LRRC37A2: variants seen among roughly 807,000 people sequenced by gnomAD.
LRRC37A2 encodes leucine-rich repeat-containing protein 37A2.
Under a neutral mutation model 68.8 loss-of-function variants are expected in LRRC37A2, and 9 were observed. The observed-to-expected ratio is 0.13, with a 90% CI of 0.08 to 0.23. The LOEUF (loss-of-function observed/expected upper bound fraction) is 0.23, where lower values mean the gene tolerates loss of function less well. Among genes scored for constraint, LRRC37A2 ranks in the 10% least tolerant of loss-of-function variants. The pLI, the probability that LRRC37A2 is intolerant of heterozygous loss-of-function variation, is 1.00. For synonymous variants in LRRC37A2, 63 were observed against 367.6 expected, an observed-to-expected ratio of 0.17 and a Z score of 9.48; for missense variants, 168 against 950.4, an observed-to-expected ratio of 0.18 and a Z score of 10.82.
the LRRC37A2 span, chr17:46,938,631 C>T: frequency 6.2e-7 from 1 of 1,614,102 alleles, no homozygotes; most frequent in Non-Finnish European, 8.5e-7. Flanking sequence ...ACATTGCCAA[C>T]ATGCTGGGCT....
At chr17:46,755,652 T>C in the LRRC37A2 span, 2 of 834,892 alleles carry the variant, frequency 2.4e-6, no homozygotes, top group South Asian at 1.8e-5. Context: ...CCATTTTCTT[T>C]TGTGAAGTGC....
the LRRC37A2 span, among the ~76,000 whole-genome samples, chr17:46,747,477 G>T: frequency 1.3e-5 from 2 of 151,922 alleles, no homozygotes; most frequent in Non-Finnish European, 2.9e-5. Context: ...ATGAGGTTTC[G>T]CCATGTTACC....
At chr17:46,707,365 A>G in the LRRC37A2 span, among the ~76,000 whole-genome samples, 3 of 151,902 alleles carry the variant, frequency 2.0e-5, no homozygotes, top group Non-Finnish European at 4.4e-5. Context: ...TTTTTTCTCA[A>G]TTTTGTATTG....
the LRRC37A2 span, among the ~76,000 whole-genome samples, chr17:46,868,234 C>G: frequency 1.3e-5 from 2 of 152,154 alleles, no homozygotes; most frequent in Non-Finnish European, 2.9e-5. Context: ...AGTTCAGAAC[C>G]CTGGTTACTT....
chr17:46,789,207 C>T, the LRRC37A2 span, among the ~76,000 whole-genome samples: 4 of 152,002 alleles, frequency 2.6e-5, no homozygotes, highest in African/African-American at 9.7e-5. Flanking sequence ...GCCCAGAGGC[C>T]ACCCTCCCTG....
At chr17:46,794,465 C>T in the LRRC37A2 span, among the ~76,000 whole-genome samples, 1 of 152,164 alleles carries the variant, frequency 6.6e-6, no homozygotes. Context: ...TTGCACAGGG[C>T]TCAGAGCTAA....
chr17:46,836,251 G>A, the LRRC37A2 span, among the ~76,000 whole-genome samples: 2 of 152,248 alleles, frequency 1.3e-5, no homozygotes, highest in African/African-American at 4.8e-5. Flanking sequence ...TGCGGAGGAA[G>A]TGATATTGGA....
At chr17:46,747,509 G>T in the LRRC37A2 span, among the ~76,000 whole-genome samples, 1 of 151,946 alleles carries the variant, frequency 6.6e-6, no homozygotes, top group Non-Finnish European at 1.5e-5. Context: ...CAAACTCCTG[G>T]GCTCAAGTGA....
At chr17:46,931,079 CT>C in the LRRC37A2 span, 1 of 1,260,980 alleles carries the variant, frequency 7.9e-7, no homozygotes, top group Non-Finnish European at 1.2e-6. Context: ...AGCAATTATT[CT>C]TTTTTCTTTT....
At chr17:46,688,561 A>G in the LRRC37A2 span, among the ~76,000 whole-genome samples, 1 of 62,886 alleles carries the variant, frequency 1.6e-5, no homozygotes, top group Non-Finnish European at 2.9e-5. Context: ...CCCCCTCATA[A>G]GAATGATTCT....
At chr17:46,811,893 G>C in the LRRC37A2 span, among the ~76,000 whole-genome samples, 14 of 152,210 alleles carry the variant, frequency 9.2e-5, no homozygotes, top group Non-Finnish European at 1.9e-4. Flanking sequence ...GGAGGCAGAA[G>C]TTGCAGTGAG....
At chr17:47,041,452 C>CT in the LRRC37A2 span, among the ~76,000 whole-genome samples, 1,386 of 36,442 alleles carry the variant, frequency 0.038, 47 homozygotes, top group Non-Finnish European at 0.043. Flanking sequence ...TTGGATGTCT[C>CT]TTTTTTTTTT....
the LRRC37A2 span, chr17:47,035,031 G>A: frequency 5.9e-5 from 9 of 152,016 alleles, no homozygotes; most frequent in African/African-American, 2.2e-4. Flanking sequence ...TCCCAGCCTC[G>A]CCACTGACTC....
At chr17:46,461,452 T>C in the LRRC37A2 span, among the ~76,000 whole-genome samples, 6 of 106,198 alleles carry the variant, frequency 5.6e-5, 3 homozygotes. Flanking sequence ...AAAAATCAGA[T>C]TGTGGTTACC....
the LRRC37A2 span, among the ~76,000 whole-genome samples, chr17:46,898,068 C>G: frequency 1.3e-5 from 2 of 152,112 alleles, no homozygotes; most frequent in Non-Finnish European, 2.9e-5. Context: ...GTTCCGGAGA[C>G]AGAGCAGAGC....
chr17:46,977,373 G>C, the LRRC37A2 span, among the ~76,000 whole-genome samples: 1 of 152,234 alleles, frequency 6.6e-6, no homozygotes, highest in Admixed American at 6.5e-5. Context: ...ACTAAGTGTA[G>C]TGGGGGATAC....
chr17:46,918,398 A>G, the LRRC37A2 span, among the ~76,000 whole-genome samples: 15 of 152,136 alleles, frequency 9.9e-5, no homozygotes, highest in Non-Finnish European at 2.2e-4. Context: ...TTTTTAATCA[A>G]ATTGCATATA....
the LRRC37A2 span, among the ~76,000 whole-genome samples, chr17:46,863,749 A>G: frequency 6.6e-6 from 1 of 152,046 alleles, no homozygotes; most frequent in African/African-American, 2.4e-5. Flanking sequence ...AGGACAAGGG[A>G]GAGACTAGCC....
the LRRC37A2 span, among the ~76,000 whole-genome samples, chr17:46,501,763 C>G: frequency 6.6e-6 from 1 of 151,234 alleles, no homozygotes; most frequent in Non-Finnish European, 1.5e-5. Flanking sequence ...ATTTCAATTC[C>G]TGATTGGCTA....
Sources: gnomAD v4.1 joint callset for allele counts (sites outside exome capture counted in the v4.1 genomes callset) on GRCh38, gnomAD v4.1.1 for gene constraint, MANE v1.5 for transcripts, NCBI Gene and HGNC (gene_info 2026-07-23, HGNC 2026-07-21) for gene names.